Variants in CLASP2 observed in about 807,000 individuals in gnomAD.
CLASP2 encodes cytoplasmic linker associated protein 2, also known as CLIP-associating protein 2.
A neutral mutation model predicts 194.4 loss-of-function variants in CLASP2; 47 were observed. The ratio of observed to expected loss-of-function variants is 0.24; its 90% CI spans 0.19 to 0.31. The LOEUF (loss-of-function observed/expected upper bound fraction) is 0.31, where lower values mean the gene tolerates loss of function less well. Ranked by LOEUF, CLASP2 falls within the 10% of genes least tolerant of loss-of-function variation. The pLI, the probability that CLASP2 is intolerant of heterozygous loss-of-function variation, is 1.00. For missense variants in CLASP2, 1,445 were observed against 1,823.6 expected, an observed-to-expected ratio of 0.79 and a Z score of 3.78; for synonymous variants, 619 against 633.5, an observed-to-expected ratio of 0.98 and a Z score of 0.34.
intron 6 of CLASP2, among the ~76,000 whole-genome samples, chr3:33,678,341 C>T (rs1017869886): frequency 1.3e-5 from 2 of 151,788 alleles, no homozygotes; most frequent in Non-Finnish European, 2.9e-5. Context: ...TATAGTAAAT[C>T]AAAAATAAAG....
At chr3:33,717,273 G>A (rs930320578) in intron 1 of CLASP2, among the ~76,000 whole-genome samples, 1 of 151,986 alleles carries the variant, frequency 6.6e-6, no homozygotes, top group Non-Finnish European at 1.5e-5. Context: ...TCAACATTGT[G>A]TCCTAGTAAC....
intron 14 of CLASP2, 95 bp from the exon 15 acceptor site, chr3:33,607,556 CAGGT>C: frequency 1.4e-6 from 1 of 710,682 alleles, no homozygotes; most frequent in Non-Finnish European, 2.2e-6. Context: ...TAATCACAAA[CAGGT>C]AGGCGAGGAA....
At chr3:33,666,352 C>CTGATAG (rs2086172885) in intron 6 of CLASP2, among the ~76,000 whole-genome samples, 1 of 152,150 alleles carries the variant, frequency 6.6e-6, no homozygotes, top group Non-Finnish European at 1.5e-5. Context: ...GCAATCATTC[C>CTGATAG]CCATTTACCC....
At chr3:33,580,460 G>A (rs2065803880) in intron 23 of CLASP2, among the ~76,000 whole-genome samples, 1 of 152,108 alleles carries the variant, frequency 6.6e-6, no homozygotes, top group African/African-American at 2.4e-5. Context: ...CTACTCAGGA[G>A]GCTGAGGCAG....
chr3:33,535,198 C>A, intron 34 of CLASP2, 35 bp downstream of exon 34: 1 of 1,464,750 alleles, frequency 6.8e-7, no homozygotes, highest in South Asian at 1.2e-5. Context: ...CCAAGTTCTC[C>A]AAAACAGACA....
intron 12 of CLASP2, among the ~76,000 whole-genome samples, chr3:33,616,394 C>T (rs1196495049): frequency 6.6e-6 from 1 of 152,084 alleles, no homozygotes; most frequent in Non-Finnish European, 1.5e-5. Flanking sequence ...TCACAAAATA[C>T]TTATTCATTT....
At chr3:33,563,907 A>G in intron 27 of CLASP2, 1 of 456,166 alleles carries the variant, frequency 2.2e-6, no homozygotes, top group South Asian at 1.5e-5. Flanking sequence ...CACCTCATAT[A>G]TCCACCCTGA....
intron 37 of CLASP2, chr3:33,502,099 G>A (rs2046985468): frequency 4.9e-6 from 1 of 202,974 alleles, no homozygotes; most frequent in Non-Finnish European, 1.0e-5. Context: ...TAGGTTTTAA[G>A]GCAGTCAGCA....
intron 30 of CLASP2, among the ~76,000 whole-genome samples, chr3:33,549,901 A>T (rs888286232): frequency 1.7e-4 from 25 of 150,822 alleles, no homozygotes; most frequent in African/African-American, 3.4e-4. Context: ...AATGCACCCA[A>T]TTTTTTTTTA....
At position 33,501,316 on chromosome 3, in the gene CLASP2, T is replaced by C. The variant is rs562383973; in HGVS notation, c.4434+336A>G. 2.2e-4 allele frequency among the ~76,000 whole-genome samples: 33 copies of C among 152,276 alleles called. 1 individual carries two copies. The South Asian group carries it at 5.0e-3, about 23-fold the overall frequency. ...AATATATATAACCACAACAGTCTAT[T>C]TATTCTTAATAAAACAGTGGTCAGG... On this transcript the variant is annotated intron_variant, in intron 38 of 38. Transcript: ENST00000682230.
chr3:33,519,728 T>C (rs1243271028), intron 34 of CLASP2, among the ~76,000 whole-genome samples: 1 of 152,278 alleles, frequency 6.6e-6, no homozygotes, highest in East Asian at 1.9e-4. Flanking sequence ...TGTACTACAG[T>C]AGTTTAACTG....
intron 37 of CLASP2, chr3:33,503,373 C>G (rs943317355): frequency 5.3e-5 from 8 of 151,316 alleles, no homozygotes; most frequent in African/African-American, 1.9e-4. Flanking sequence ...TGGGTATATA[C>G]CTGGGAATAG....
At chr3:33,580,754 G>A (rs1028154118) in intron 23 of CLASP2, among the ~76,000 whole-genome samples, 11 of 151,994 alleles carry the variant, frequency 7.2e-5, no homozygotes, top group African/African-American at 2.7e-4. Context: ...AGTGGCTCAC[G>A]CCTGTAAACC....
rs1389644632 is a variant in CLASP2, at chr3:33,663,460, A to C, written c.700T>G (p.Leu234Val). Residue 234 changes from leucine (L) to valine (V), a missense_variant, in exon 7 of 39, where the codon TTG becomes GTG. Leu to Val is a conservative substitution (Grantham distance 32). This residue lies in a region of CLASP2 where 332 missense variants were observed against 325.3 expected (regional missense o/e 1.02). Transcript: ENST00000682230. The part of the protein sequence containing the change: ...DEVQSSGGMI[L>V]SVCKDKSFDD... ...TTACTCTTACCTTTGCAGACACTCA[A>C]AATCATACCGCCTGAACTTTGCACT... 6.2e-7 allele frequency: 1 copy of C among 1,612,426 alleles called. No homozygotes were observed. Among genetic ancestry groups the C allele is most frequent in the Non-Finnish European group, 8.5e-7 (1 of 1,179,194 alleles).
chr3:33,560,631 C>T (rs35779416), intron 28 of CLASP2, among the ~76,000 whole-genome samples, 177 bp downstream of exon 28: 29,504 of 151,990 alleles, frequency 0.19, 3,251 homozygotes, highest in Admixed American at 0.32. Flanking sequence ...AGGGCTTGAC[C>T]TAGGGAAAAA....
Position 33,606,713 on chromosome 3 carries a change from T to C in CLASP2, c.1572A>G (p.Thr524=), listed in dbSNP as rs374787533. ...LRNHFPGEAE[T]LYNSLEPSYQ... The stretch of plus-strand genomic sequence containing the variant: ...AAGATGGCTCAAGGGAATTATATAA[T>C]GTTTCAGCTTCACCAGGAAAGTGGT... Residue 524 remains threonine, a synonymous_variant, in exon 16 of 39, where the codon ACA becomes ACG. Transcript: ENST00000682230. The C allele has an allele frequency of 9.7e-5, 157 of 1,613,326 alleles. 2 individuals carry two copies. The East Asian group carries it at 2.5e-3, about 26-fold the overall frequency.
chr3:33,706,599 A>G (rs571781335), intron 1 of CLASP2, among the ~76,000 whole-genome samples: 4 of 152,212 alleles, frequency 2.6e-5, no homozygotes, highest in Non-Finnish European at 5.9e-5. Flanking sequence ...GACAGAAGTA[A>G]AAACTGTAGT....
rs1179018551 is a variant in CLASP2, at chr3:33,501,731, C to G, written c.4355G>C (p.Cys1452Ser). 2 of 1,613,628 alleles carry G rather than the reference C, an allele frequency of 1.2e-6. No homozygotes were observed. The highest frequency in any genetic ancestry group is 2.7e-5 in the African/African-American group (2 of 74,894). ...DNSESSVRKA[C>S]VFCLVAVHAV... ...ATGAACAGCCACCAGGCAGAAGACA[C>G]AAGCTTTCCGAACACTGCTCTCTGA... Residue 1452 changes from cysteine (C) to serine (S), a missense_variant, in exon 38 of 39, where the codon TGT becomes TCT. By Grantham distance (112) the Cys-to-Ser change is moderately radical. Transcript: ENST00000682230.
chr3:33,499,739 T>C (rs924158957), intron 38 of CLASP2, among the ~76,000 whole-genome samples: 6 of 152,114 alleles, frequency 3.9e-5, no homozygotes, highest in Non-Finnish European at 7.4e-5. Context: ...TAACAAACAA[T>C]TGAGTACTAG....
Sources: gnomAD v4.1 joint callset for allele counts (sites outside exome capture counted in the v4.1 genomes callset) on GRCh38, gnomAD v4.1.1 for gene constraint, gnomAD v4.1.1 regional missense constraint, MANE v1.5 for transcripts, NCBI Gene and HGNC (gene_info 2026-07-23, HGNC 2026-07-21) for gene names.